The following PSME4 variants were observed in gnomAD, a reference collection of about 807,000 sequenced individuals.
The protein encoded by PSME4 is proteasome activator complex subunit 4.
Under a neutral mutation model 253.9 loss-of-function variants are expected in PSME4, and 89 were observed. The ratio of observed to expected loss-of-function variants is 0.35; its 90% CI spans 0.30 to 0.42. PSME4 has a LOEUF of 0.42. Among genes scored for constraint, PSME4 ranks in the 10% least tolerant of loss-of-function variants. The pLI, the probability that PSME4 is intolerant of heterozygous loss-of-function variation, is 1.00. For missense variants in PSME4, 2,014 were observed against 2,195.2 expected, an observed-to-expected ratio of 0.92 and a Z score of 1.65; for synonymous variants, 851 against 759.2, an observed-to-expected ratio of 1.12 and a Z score of -1.99.
Position 53,925,574 on chromosome 2 carries a change from T to C in PSME4, c.1774A>G (p.Thr592Ala). The change falls in exon 14 of 47, where the codon ACA becomes GCA. Residue 592 changes from threonine (T) to alanine (A), a missense_variant. By Grantham distance (58) the Thr-to-Ala change is moderately conservative. Transcript: ENST00000404125. ...VELGLSSTFS[T>A]ILTQCSKEIF... ...TCTTTGGAACATTGGGTGAGGATTG[T>C]ACTAAACGTAGAAGACAGACCTAAT... The C allele has an allele frequency of 1.3e-6, 2 of 1,599,902 alleles. No homozygotes were observed. The highest frequency in any genetic ancestry group is 1.7e-6 in the Non-Finnish European group (2 of 1,168,358).
chr2:53,931,736 G>A (rs553705648), intron 10 of PSME4, 99 bp downstream of exon 10: 21 of 1,323,924 alleles, frequency 1.6e-5, no homozygotes, highest in African/African-American at 4.4e-5. Flanking sequence ...AATAAGCATC[G>A]AAGAAGCAAA....
At position 53,864,851 on chromosome 2, in the gene PSME4, A is replaced by G. The variant is rs920949807; in HGVS notation, c.*727T>C. 6.6e-6 allele frequency: 1 copy of G among 152,656 alleles called. No individual in the cohort carries two copies. The highest frequency in any genetic ancestry group is 1.5e-5 in the Non-Finnish European group (1 of 68,038). The allele number at this position is 152,656 out of a possible 1,614,324, so 9.5% of individuals were successfully genotyped here. A position where few individuals can be genotyped will look rare whatever the true frequency, so the allele number is the denominator to read the frequency against. ...TAGTTGTAAAGAATACAGGGAAAAA[A>G]CAGCCAGTCAGGGTTTTTATTGTTG... On this transcript the variant is annotated 3_prime_UTR_variant, in exon 47 of 47. Transcript: ENST00000404125.
chr2:53,898,847 C>T (rs539103779), intron 29 of PSME4, among the ~76,000 whole-genome samples: 3 of 152,066 alleles, frequency 2.0e-5, no homozygotes, highest in Non-Finnish European at 4.4e-5. Flanking sequence ...GCTTTGGTAT[C>T]AAGAATCCAA....
chr2:53,948,573 A>G (rs1254080312), intron 2 of PSME4, 36 bp from the exon 3 acceptor site: 7 of 1,224,478 alleles, frequency 5.7e-6, no homozygotes, highest in Admixed American at 1.7e-5. Flanking sequence ...CTATGTATGC[A>G]TATGTGCACA....
intron 32 of PSME4, among the ~76,000 whole-genome samples, chr2:53,896,149 T>C (rs1680127187): frequency 1.3e-5 from 2 of 152,156 alleles, no homozygotes; most frequent in South Asian, 2.1e-4. Context: ...CACATACTTA[T>C]CTAAACTATG....
Position 53,865,272 on chromosome 2 carries a change from G to A in PSME4, c.*306C>T, listed in dbSNP as rs1432567948. 1 of 152,546 alleles carries A rather than the reference G, an allele frequency of 6.6e-6. No individual in the cohort carries two copies. The highest frequency in any genetic ancestry group is 6.5e-5 in the Admixed American group (1 of 15,280). The allele number at this position is 152,546 out of a possible 1,614,324, so 9.4% of individuals were successfully genotyped here. A position where few individuals can be genotyped will look rare whatever the true frequency, so the allele number is the denominator to read the frequency against. Reference sequence around the variant, plus strand: ...TAAACTGTTTCTTAATGAGTTCTGAGACTCTGGTCTTGGATGCCATGATCA... The same window carrying A: ...TAAACTGTTTCTTAATGAGTTCTGAAACTCTGGTCTTGGATGCCATGATCA... On this transcript the variant is annotated 3_prime_UTR_variant, in exon 47 of 47. Coordinates refer to ENST00000404125, the MANE Select transcript of PSME4 (RefSeq NM_014614.3).
intron 4 of PSME4, among the ~76,000 whole-genome samples, chr2:53,939,043 G>A (rs954612720): frequency 6.6e-6 from 1 of 152,078 alleles, no homozygotes; most frequent in East Asian, 1.9e-4. Flanking sequence ...TTTCCAGTGA[G>A]GAAACACAGG....
At chr2:53,948,591 G>C in intron 2 of PSME4, 54 bp from the exon 3 acceptor site, 1 of 1,086,588 alleles carries the variant, frequency 9.2e-7, no homozygotes, top group Non-Finnish European at 1.4e-6. Flanking sequence ...ACAGATGTGT[G>C]TATACCACAA....
chr2:53,895,540 T>A (rs777751101), intron 33 of PSME4, 43 bp downstream of exon 33: 1 of 1,550,820 alleles, frequency 6.4e-7, no homozygotes, highest in Admixed American at 2.0e-5. Flanking sequence ...AAAGCAGTTA[T>A]ATCAAAGGCA....
chr2:53,893,017 T>TAC, intron 35 of PSME4, 57 bp from the exon 36 acceptor site: 2 of 1,502,536 alleles, frequency 1.3e-6, no homozygotes, highest in Non-Finnish European at 1.8e-6. Flanking sequence ...CGATTATAAT[T>TAC]ATGCTTGTAA....
At position 53,895,617 on chromosome 2, in the gene PSME4, C is replaced by G. The variant is rs2104429896; in HGVS notation, c.3808G>C (p.Glu1270Gln). Residue 1270 changes from glutamate (E) to glutamine (Q), a missense_variant, in exon 33 of 47, where the codon GAA becomes CAA. By Grantham distance (29) the Glu-to-Gln change is conservative (BLOSUM62 2). This residue lies in a region of PSME4 where 989 missense variants were observed against 1,021.1 expected (regional missense o/e 0.97). Coordinates refer to ENST00000404125, the MANE Select transcript of PSME4 (RefSeq NM_014614.3). Reference protein sequence around the residue: ...KKEWESSCFVEKTHWGYYTWP... With the variant: ...KKEWESSCFVQKTHWGYYTWP... Reference sequence around the variant, plus strand: ...GTGTAGTATCCCCAGTGAGTTTTTTCCACAAAGCAACTTGACTCCCATTCT... The same window carrying G: ...GTGTAGTATCCCCAGTGAGTTTTTTGCACAAAGCAACTTGACTCCCATTCT... The G allele has an allele frequency of 1.2e-6, 2 of 1,612,856 alleles. No individual in the cohort carries two copies. The highest frequency in any genetic ancestry group is 2.2e-5 in the East Asian group (1 of 44,824).
chr2:53,879,057 C>G (rs1259781091), intron 41 of PSME4, among the ~76,000 whole-genome samples: 1 of 152,168 alleles, frequency 6.6e-6, no homozygotes, highest in Non-Finnish European at 1.5e-5. Context: ...TAAAATTCCT[C>G]TCTTTTGTAC....
Position 53,864,771 on chromosome 2 carries a change from AAC to A in PSME4, c.*805_*806del, listed in dbSNP as rs1167775580. 6.6e-6 allele frequency: 1 copy of A among 152,658 alleles called. No homozygotes were observed. Among genetic ancestry groups the A allele is most frequent in the Admixed American group, 6.5e-5 (1 of 15,282 alleles). The allele number at this position is 152,658 out of a possible 1,614,324, so 9.5% of individuals were successfully genotyped here. On this transcript the variant is annotated 3_prime_UTR_variant, in exon 47 of 47. Coordinates refer to ENST00000404125, the MANE Select transcript of PSME4 (RefSeq NM_014614.3). ...ATTAAAAAATTACAAAATTTCCACA[AAC>A]ACAGCAGTCTTCCATTTAGGTGAAG...
chr2:53,939,929 G>A (rs774640114), intron 4 of PSME4, 27 bp downstream of exon 4: 2 of 1,553,558 alleles, frequency 1.3e-6, no homozygotes. Flanking sequence ...AACAACAAGA[G>A]GCTTTATAAA....
Position 53,904,544 on chromosome 2 carries a change from C to T in PSME4, c.2944-388G>A, listed in dbSNP as rs146340425. Among the ~76,000 whole-genome samples the T allele has an allele frequency of 3.9e-5, 6 of 152,248 alleles. No homozygotes were observed. The East Asian group carries it at 1.2e-3, about 29-fold the overall frequency. ...CACATGAGGAAAATTAAAGAATTTC[C>T]AGGAGGAACTAAAATAAACCAAAAC... On this transcript the variant is annotated intron_variant, in intron 26 of 46. Transcript: ENST00000404125.
chr2:53,866,283 G>C (rs1390689201), intron 45 of PSME4, 60 bp from the exon 46 acceptor site: 10 of 1,554,998 alleles, frequency 6.4e-6, no homozygotes, highest in Non-Finnish European at 8.7e-6. Context: ...ATCATATGTA[G>C]GATACTTTTA....
chr2:53,908,836 C>A lies in PSME4; in HGVS notation c.2577G>T (p.Leu859=), dbSNP rs764803964. The A allele has an allele frequency of 6.3e-7, 1 of 1,593,534 alleles. No homozygotes were observed. Residue 859 remains leucine (L), a synonymous_variant, in exon 22 of 47, where the codon CTG becomes CTT. Transcript: ENST00000404125. ...TKLYTGLEYD[L]SRENHREVIA... ...TTACTTCTCGGTGGTTCTCTCGAGA[C>A]AGATCTATTTTGAAAAAATAAAAGA...
chr2:53,956,867 T>C (rs1389414076), intron 1 of PSME4, among the ~76,000 whole-genome samples: 2 of 152,214 alleles, frequency 1.3e-5, no homozygotes, highest in African/African-American at 2.4e-5. Flanking sequence ...AATTTAAATG[T>C]CCCTTATCAA....
chr2:53,918,719 T>TA (rs898923274), intron 20 of PSME4, among the ~76,000 whole-genome samples: 5 of 152,298 alleles, frequency 3.3e-5, no homozygotes, highest in Admixed American at 6.5e-5. Flanking sequence ...GAAAAGCACT[T>TA]AAAAAATCAT....
Sources: gnomAD v4.1 joint callset for allele counts (sites outside exome capture counted in the v4.1 genomes callset) on GRCh38, gnomAD v4.1.1 for gene constraint, gnomAD v4.1.1 regional missense constraint, MANE v1.5 for transcripts, NCBI Gene and HGNC (gene_info 2026-07-23, HGNC 2026-07-21) for gene names.